BANP: variants seen among roughly 807,000 people sequenced by gnomAD.
BANP encodes the protein protein BANP.
A neutral mutation model predicts 68.1 loss-of-function variants in BANP; 11 were observed. The observed-to-expected ratio is 0.16, with a 90% CI of 0.10 to 0.27. The LOEUF is 0.27. Among genes scored for constraint, BANP ranks in the 10% least tolerant of loss-of-function variants. The pLI, the probability that BANP is intolerant of heterozygous loss-of-function variation, is 1.00. For synonymous variants in BANP, 329 were observed against 303.2 expected, an observed-to-expected ratio of 1.09 and a Z score of -0.88; for missense variants, 504 against 722.7, an observed-to-expected ratio of 0.70 and a Z score of 3.47.
At chr16:87,982,299 T>G (rs2063429515) in intron 3 of BANP, among the ~76,000 whole-genome samples, 2 of 152,230 alleles carry the variant, frequency 1.3e-5, no homozygotes, top group African/African-American at 4.8e-5. Flanking sequence ...GTGACTTGCG[T>G]AGAGTCGTGT....
In BANP at chr16:88,076,649, C is replaced by A; in HGVS notation, c.1581C>A (p.Ile527=). The A allele has an allele frequency of 6.2e-7, 1 of 1,609,406 alleles. No individual in the cohort carries two copies. The highest frequency in any genetic ancestry group is 8.5e-7 in the Non-Finnish European group (1 of 1,179,578). Residue 527 remains isoleucine, a synonymous_variant, in exon 14 of 14, where the codon ATC becomes ATA. Coordinates refer to ENST00000682872, the MANE Select transcript of BANP (RefSeq NM_001386991.1). ...AGATGCAGCTCGAGCACGGGGCCAT[C>A]CAGATTCAGTGAGCGGTGCCCATGG... ...QPEMQLEHGA[I]QIQ is the part of the protein sequence containing the mutation.
In BANP at chr16:87,991,082, CTAATAGTGACA is replaced by C. The variant is rs1302344030; in HGVS notation, c.362+6824_362+6834del. Among the ~76,000 whole-genome samples the C allele has an allele frequency of 2.0e-5, 3 of 152,300 alleles. No homozygotes were observed. In the South Asian group the frequency reaches 6.2e-4, roughly 32 times the overall value. On this transcript the variant is annotated intron_variant, in intron 4 of 13. Transcript: ENST00000682872. Reference sequence around the variant, plus strand: ...CAGCCAGCTGCATACTTTAAGTGACCTAATAGTGACACCCTCTACATGCTAGGGCTGAGTAC... The same window carrying C: ...CAGCCAGCTGCATACTTTAAGTGACCCCCTCTACATGCTAGGGCTGAGTAC...
At chr16:87,958,131 C>G (rs1304588264) in intron 1 of BANP, among the ~76,000 whole-genome samples, 3 of 152,202 alleles carry the variant, frequency 2.0e-5, no homozygotes, top group Non-Finnish European at 4.4e-5. Context: ...TGGCTCTCCT[C>G]TTTGTGGTGT....
chr16:88,073,266 C>T (rs2090816192), intron 13 of BANP, among the ~76,000 whole-genome samples: 1 of 152,260 alleles, frequency 6.6e-6, no homozygotes. Context: ...CAGTGCTCAC[C>T]TGACGCTCAC....
intron 1 of BANP, among the ~76,000 whole-genome samples, chr16:87,973,753 C>CAAAA (rs58334556): frequency 2.0e-4 from 20 of 99,450 alleles, no homozygotes; most frequent in East Asian, 1.2e-3. Flanking sequence ...AACTCCATCA[C>CAAAA]AAAAAAAAAA....
intron 11 of BANP, among the ~76,000 whole-genome samples, chr16:88,038,418 C>T (rs1347741753): frequency 1.3e-5 from 2 of 152,216 alleles, no homozygotes; most frequent in Non-Finnish European, 2.9e-5. Flanking sequence ...ACATTTGCTG[C>T]TCCGTAGGAT....
chr16:87,989,773 G>A (rs1177736612), intron 4 of BANP, among the ~76,000 whole-genome samples: 3 of 111,940 alleles, frequency 2.7e-5, no homozygotes, highest in African/African-American at 7.0e-5. Context: ...GGCGGGTGAC[G>A]GGGGATGCAG....
At chr16:88,026,475 T>C (rs1012684169) in intron 7 of BANP, among the ~76,000 whole-genome samples, 1 of 152,206 alleles carries the variant, frequency 6.6e-6, no homozygotes, top group African/African-American at 2.4e-5. Flanking sequence ...CTGACCCCCA[T>C]GGGTGGACAC....
At chr16:88,024,166 G>A (rs553750392) in intron 7 of BANP, among the ~76,000 whole-genome samples, 3 of 152,292 alleles carry the variant, frequency 2.0e-5, no homozygotes, top group South Asian at 2.1e-4. Context: ...TCACGTGTGC[G>A]GGGCTGTGCG....
rs528474215 is a variant in BANP at position 88,041,116 on chromosome 16, G to T, written c.1311+3105G>T. Among the ~76,000 whole-genome samples, 282 of 152,338 alleles carry T rather than the reference G, an allele frequency of 1.9e-3. 1 individual carries two copies. Among genetic ancestry groups the T allele is most frequent in the African/African-American group, 6.4e-3 (266 of 41,580 alleles). ...CTTTCCTTGTGCTGGGCTCACACTT[G>T]TTGCCGTTCTCCTCCTATTCCACTT... is the stretch of plus-strand genomic sequence containing the variant. On this transcript the variant is annotated intron_variant, in intron 11 of 13. Coordinates refer to ENST00000682872, the MANE Select transcript of BANP (RefSeq NM_001386991.1).
At chr16:88,040,457 G>T (rs946516399) in intron 11 of BANP, among the ~76,000 whole-genome samples, 7 of 150,268 alleles carry the variant, frequency 4.7e-5, no homozygotes, top group African/African-American at 1.7e-4. Flanking sequence ...TAGCCCATTC[G>T]CTCTCCTCCC....
At chr16:88,076,178 TG>T (rs2091563172) in intron 13 of BANP, among the ~76,000 whole-genome samples, 1 of 152,238 alleles carries the variant, frequency 6.6e-6, no homozygotes, top group Admixed American at 6.5e-5. Context: ...GTTGAAACAT[TG>T]GGACAGTGTT....
chr16:87,975,340 C>A, intron 2 of BANP, 155 bp downstream of exon 2: 2 of 723,198 alleles, frequency 2.8e-6, no homozygotes, highest in Non-Finnish European at 4.6e-6. Context: ...CACTGTCGGC[C>A]CCTCCCTTCC....
intron 4 of BANP, among the ~76,000 whole-genome samples, chr16:87,999,167 GAC>G (rs2068302855): frequency 7.2e-6 from 1 of 139,544 alleles, no homozygotes; most frequent in African/African-American, 2.7e-5. Context: ...TGTCCTTCCA[GAC>G]ACATCTCCAT....
At chr16:88,048,470 C>T (rs114499095) in intron 11 of BANP, among the ~76,000 whole-genome samples, 192 of 151,686 alleles carry the variant, frequency 1.3e-3, no homozygotes, top group African/African-American at 4.1e-3. Flanking sequence ...GAAAGGACAT[C>T]GATTCTAACA....
At chr16:88,010,793 C>T (rs1362358593) in intron 6 of BANP, among the ~76,000 whole-genome samples, 2 of 152,234 alleles carry the variant, frequency 1.3e-5, no homozygotes, top group Non-Finnish European at 2.9e-5. Flanking sequence ...GATTCACACA[C>T]CTCGCAGTCC....
chr16:88,070,552 T>C (rs1042324415), intron 12 of BANP, among the ~76,000 whole-genome samples: 1 of 152,202 alleles, frequency 6.6e-6, no homozygotes, highest in African/African-American at 2.4e-5. Flanking sequence ...TGCTCGCAAG[T>C]CGTGGCTGGC....
At chr16:87,998,058 C>T (rs1384481029) in intron 4 of BANP, among the ~76,000 whole-genome samples, 1 of 152,184 alleles carries the variant, frequency 6.6e-6, no homozygotes, top group Non-Finnish European at 1.5e-5. Flanking sequence ...GCACGCAGAG[C>T]AGCAGCATGT....
At chr16:88,060,344 G>A (rs911312147) in intron 11 of BANP, among the ~76,000 whole-genome samples, 6 of 152,220 alleles carry the variant, frequency 3.9e-5, no homozygotes, top group African/African-American at 1.4e-4. Flanking sequence ...GTCAGTGTGG[G>A]GCTGAGATTG....
Sources: gnomAD v4.1 joint callset for allele counts (sites outside exome capture counted in the v4.1 genomes callset) on GRCh38, gnomAD v4.1.1 for gene constraint, MANE v1.5 for transcripts, NCBI Gene and HGNC (gene_info 2026-07-23, HGNC 2026-07-21) for gene names.